The following ZC3H18 variants were observed in gnomAD, a reference collection of about 807,000 sequenced individuals.
The protein encoded by ZC3H18 is zinc finger CCCH domain-containing protein 18.
Under a neutral mutation model 106.1 loss-of-function variants are expected in ZC3H18, and 8 were observed. That is an observed-to-expected ratio of 0.08 (90% CI 0.04 to 0.14). The LOEUF (loss-of-function observed/expected upper bound fraction) is 0.14. ZC3H18 is among the 10% of genes least tolerant of loss of function. ZC3H18 has a pLI of 1.00. For missense variants in ZC3H18, 1,318 were observed against 1,278.4 expected, an observed-to-expected ratio of 1.03 and a Z score of -0.47; for synonymous variants, 635 against 522.1, an observed-to-expected ratio of 1.22 and a Z score of -2.95.
intron 1 of ZC3H18, among the ~76,000 whole-genome samples, chr16:88,576,506 A>T (rs1914762112): frequency 6.6e-6 from 1 of 152,092 alleles, no homozygotes; most frequent in South Asian, 2.1e-4. Context: ...GGGGCCAGTG[A>T]ACACGCAGGC....
At chr16:88,609,690 C>T (rs1017123496) in intron 7 of ZC3H18, among the ~76,000 whole-genome samples, 10 of 152,106 alleles carry the variant, frequency 6.6e-5, no homozygotes, top group Admixed American at 6.6e-4. Flanking sequence ...ACCTCTGCCT[C>T]CCAGATTCAA....
At chr16:88,588,960 CA>C (rs1319296439) in intron 3 of ZC3H18, among the ~76,000 whole-genome samples, 1 of 151,852 alleles carries the variant, frequency 6.6e-6, no homozygotes, top group Non-Finnish European at 1.5e-5. Flanking sequence ...TAACTCATTT[CA>C]GAAGTGTTTT....
At chr16:88,582,725 C>T (rs1015113632) in intron 2 of ZC3H18, among the ~76,000 whole-genome samples, 1 of 152,146 alleles carries the variant, frequency 6.6e-6, no homozygotes, top group East Asian at 1.9e-4. Flanking sequence ...CATGAAAAAG[C>T]GCAGGCCACC....
chr16:88,627,697 G>C lies in ZC3H18; in HGVS notation c.2184G>C (p.Ser728=). Residue 728 remains serine (S), a synonymous_variant, in exon 14 of 18, where the codon TCG becomes TCC. Coordinates refer to ENST00000301011, the MANE Select transcript of ZC3H18 (RefSeq NM_144604.4). This position sits in a 1 kb window ranked among gnomAD's most constrained non-coding sequence, Gnocchi z 4.5. ...GCAGCTCTGCACACAGCGTGGACTC[G>C]GAGGACATGTACGCAGACCTGGCTA... The part of the protein sequence containing the change: ...SSSSSAHSVD[S]EDMYADLASP... The C allele has an allele frequency of 6.2e-7, 1 of 1,613,788 alleles. No individual in the cohort carries two copies. The highest frequency in any genetic ancestry group is 8.5e-7 in the Non-Finnish European group (1 of 1,179,852).
Position 88,577,646 on chromosome 16 carries a change from G to A in ZC3H18, c.523G>A (p.Gly175Arg), listed in dbSNP as rs115465486. 153 of 1,613,916 alleles carry A rather than the reference G, an allele frequency of 9.5e-5. No homozygotes were observed. The African/African-American group carries it at 1.7e-3, about 18-fold the overall frequency. ...GGGGAAGGCTGGTGTTCAGAGTGTG[G>A]GAGAAAAGGAATCCCTGGAGGCTGC... ...EEGKAGVQSV[G>R]EKESLEAAKE... The change falls in exon 2 of 18, where the codon GGA becomes AGA. Residue 175 changes from glycine (G) to arginine (R), a missense_variant. Gly to Arg is a moderately radical substitution (Grantham distance 125, BLOSUM62 -2). This residue lies in a region of ZC3H18 where 346 missense variants were observed against 269.0 expected (regional missense o/e 1.29). Coordinates refer to ENST00000301011, the MANE Select transcript of ZC3H18 (RefSeq NM_144604.4).
chr16:88,586,843 T>A (rs1915470828), intron 3 of ZC3H18, among the ~76,000 whole-genome samples, 159 bp downstream of exon 3: 1 of 151,494 alleles, frequency 6.6e-6, no homozygotes, highest in African/African-American at 2.4e-5. Context: ...GTGGTGGCAA[T>A]ATTGATGGTA....
intron 1 of ZC3H18, 52 bp from the exon 2 acceptor site, chr16:88,577,058 G>T: frequency 2.0e-6 from 3 of 1,499,888 alleles, no homozygotes; most frequent in East Asian, 2.3e-5. Context: ...TAGGGACAAG[G>T]TTTGTTTTCC....
intron 2 of ZC3H18, 88 bp downstream of exon 2, chr16:88,577,814 A>T (rs1914860106): frequency 6.3e-7 from 1 of 1,598,624 alleles, no homozygotes. Flanking sequence ...TCTGTGTGGG[A>T]CTGACTTAGT....
At position 88,631,586 on chromosome 16, in the gene ZC3H18, TTCC is replaced by T. The variant is rs1207087039; in HGVS notation, c.*297_*299del. 3 of 512,942 alleles carry T rather than the reference TTCC, an allele frequency of 5.8e-6. No individual in the cohort carries two copies. Among genetic ancestry groups the T allele is most frequent in the East Asian group, 5.2e-5 (1 of 19,340 alleles). The allele number at this position is 512,942 out of a possible 1,614,324, so 31.8% of individuals were successfully genotyped here. On this transcript the variant is annotated 3_prime_UTR_variant, in exon 18 of 18. Coordinates refer to ENST00000301011, the MANE Select transcript of ZC3H18 (RefSeq NM_144604.4). ...CCCCAGCCGCCAGCCCCGCCTTCTCTTCCTCCTCCTCCGTCTTCTTCCCTGGCC... is the reference window on the plus strand; with the variant it reads ...CCCCAGCCGCCAGCCCCGCCTTCTCTTCCTCCTCCGTCTTCTTCCCTGGCC...
intron 8 of ZC3H18, 47 bp from the exon 9 acceptor site, chr16:88,622,150 T>TA (rs1906005823): frequency 6.4e-7 from 1 of 1,571,966 alleles, no homozygotes; most frequent in African/African-American, 1.4e-5. Context: ...GGCATTGCTG[T>TA]GAAGCGGAAG....
rs1906378062 is a variant in ZC3H18 at position 88,627,413 on chromosome 16, A to G, written c.2109-209A>G. On this transcript the variant is annotated intron_variant, in intron 13 of 17. Coordinates refer to ENST00000301011, the MANE Select transcript of ZC3H18 (RefSeq NM_144604.4). This position sits in a 1 kb window ranked among gnomAD's most constrained non-coding sequence, Gnocchi z 4.5. Reference sequence around the variant, plus strand: ...CAGCCGTGCCTGGCTGCAACCTGACATTGATTAGTGAAATGGGGCCCTGGC... The same window carrying G: ...CAGCCGTGCCTGGCTGCAACCTGACGTTGATTAGTGAAATGGGGCCCTGGC... 1 of 549,938 alleles carries G rather than the reference A, an allele frequency of 1.8e-6. No individual in the cohort carries two copies. The highest frequency in any genetic ancestry group is 3.1e-6 in the Non-Finnish European group (1 of 325,032). The allele number at this position is 549,938 out of a possible 1,614,324, so 34.1% of individuals were successfully genotyped here.
intron 6 of ZC3H18, among the ~76,000 whole-genome samples, chr16:88,606,244 T>C (rs1905004992): frequency 6.6e-6 from 1 of 152,088 alleles, no homozygotes; most frequent in South Asian, 2.1e-4. Flanking sequence ...ATTTCAAGAG[T>C]GTTTCAGAAT....
rs751089011 is a variant in ZC3H18, at chr16:88,611,355, A to AGGGAGCGCGAGCGAGAGC, written c.1308_1325dup (p.Glu437_Arg442dup). On this transcript the variant is annotated inframe_insertion, in exon 8 of 18. Coordinates refer to ENST00000301011, the MANE Select transcript of ZC3H18 (RefSeq NM_144604.4). ...GGACCGAGAGCGGGAGCGCCGGCAG[A>AGGGAGCGCGAGCGAGAGC]GGGAGCGCGAGCGAGAGCGGGAGCG... The AGGGAGCGCGAGCGAGAGC allele has an allele frequency of 8.0e-5, 69 of 864,776 alleles. No individual in the cohort carries two copies. Among genetic ancestry groups the AGGGAGCGCGAGCGAGAGC allele is most frequent in the Middle Eastern group, 5.4e-4 (2 of 3,676 alleles). 53.6% of individuals were successfully genotyped at this position (864,776 alleles called of 1,614,324 possible). A position where few individuals can be genotyped will look rare whatever the true frequency, so the allele number is the denominator to read the frequency against.
intron 3 of ZC3H18, among the ~76,000 whole-genome samples, chr16:88,597,151 G>A (rs1262442153): frequency 6.6e-6 from 1 of 152,198 alleles, no homozygotes; most frequent in Non-Finnish European, 1.5e-5. Context: ...TTGATCTCTT[G>A]ACGTCGTGAG....
At chr16:88,620,927 G>T (rs1032549443) in intron 8 of ZC3H18, among the ~76,000 whole-genome samples, 1 of 152,168 alleles carries the variant, frequency 6.6e-6, no homozygotes, top group Non-Finnish European at 1.5e-5. Context: ...GTGCAGTGGC[G>T]CAGTCTCAGC....
intron 2 of ZC3H18, among the ~76,000 whole-genome samples, chr16:88,581,382 G>A (rs1331602272): frequency 1.3e-5 from 2 of 152,132 alleles, no homozygotes; most frequent in Non-Finnish European, 2.9e-5. Context: ...ACTGATTATG[G>A]GGTACACTTT....
chr16:88,577,964 G>A (rs1055584872), intron 2 of ZC3H18, among the ~76,000 whole-genome samples: 2 of 152,206 alleles, frequency 1.3e-5, no homozygotes, highest in African/African-American at 2.4e-5. Context: ...CGTGGCCCTC[G>A]GCCGGCCAGC....
Position 88,631,166 on chromosome 16 carries a change from C to G in ZC3H18, c.2729C>G (p.Ser910Trp), listed in dbSNP as rs752864337. 6 of 1,613,430 alleles carry G rather than the reference C, an allele frequency of 3.7e-6. No homozygotes were observed. The highest frequency in any genetic ancestry group is 2.2e-5 in the East Asian group (1 of 44,864). ...SKVTSVPGKASDPGAASTKSG... is the reference protein window; with the variant it reads ...SKVTSVPGKAWDPGAASTKSG... ...GTCACGAGCGTGCCCGGCAAAGCCT[C>G]GGATCCCGGCGCCGCCAGCACCAAA... is the stretch of plus-strand genomic sequence containing the variant. The change falls in exon 18 of 18, where the codon TCG (serine) becomes TGG (tryptophan). Residue 910 changes from serine to tryptophan, a missense_variant. This residue lies in a region of ZC3H18 where 848 missense variants were observed against 821.7 expected (regional missense o/e 1.03). Transcript: ENST00000301011.
At chr16:88,624,364 G>T in intron 11 of ZC3H18, 1 of 685,408 alleles carries the variant, frequency 1.5e-6, no homozygotes, top group Non-Finnish European at 2.4e-6. Context: ...ACTGCCTGGC[G>T]GTGCCTGTAG....
Sources: gnomAD v4.1 joint callset for allele counts (sites outside exome capture counted in the v4.1 genomes callset) on GRCh38, gnomAD v4.1.1 for gene constraint, gnomAD v4.1.1 regional missense constraint, Gnocchi (gnomAD v3.1) non-coding constraint, MANE v1.5 for transcripts, NCBI Gene and HGNC (gene_info 2026-07-23, HGNC 2026-07-21) for gene names.